Variants in FBXO27 observed in about 807,000 individuals in gnomAD.
FBXO27 encodes F-box protein 27, also known as F-box only protein 27.
A neutral mutation model predicts 28.3 loss-of-function variants in FBXO27; 28 were observed. The observed-to-expected ratio is 0.99, with a 90% confidence interval of 0.73 to 1.36. FBXO27 has a LOEUF of 1.36. FBXO27 is among the 40% of genes most tolerant of loss of function. The probability of loss-of-function intolerance (pLI) is 0.00; values close to 1 mark genes in which losing one functional copy is unlikely to be tolerated. For synonymous variants in FBXO27, 175 were observed against 167.3 expected (o/e 1.05, Z -0.36); for missense variants, 388 against 394.1 (o/e 0.98, Z 0.13).
intron 4 of FBXO27, 181 bp downstream of exon 4, chr19:39,030,848 T>A (rs183521307): frequency 1.0e-4 from 64 of 642,562 alleles, no homozygotes; most frequent in African/African-American, 9.0e-4. Flanking sequence ...CCTCAAGTGA[T>A]CTGCCTGCCT....
At chr19:39,009,985 T>G (rs1171659078) in intron 2 of FBXO27, among the ~76,000 whole-genome samples, 4 of 151,980 alleles carry the variant, frequency 2.6e-5, no homozygotes, top group African/African-American at 9.7e-5. Context: ...AATTTTTATA[T>G]TTTTAGTAGA....
intron 2 of FBXO27, among the ~76,000 whole-genome samples, chr19:39,007,489 G>T (rs1975744201): frequency 6.6e-6 from 1 of 152,098 alleles, no homozygotes; most frequent in African/African-American, 2.4e-5. Context: ...GCTTGGAAAG[G>T]CAAGACCGGG....
rs1187301249 is a variant in FBXO27 at position 39,024,065 on chromosome 19, T to C, written c.*1346A>G. 2.6e-5 allele frequency: 4 copies of C among 152,158 alleles called. No homozygotes were observed. The highest frequency in any genetic ancestry group is 5.9e-5 in the Non-Finnish European group (4 of 68,034). The allele number at this position is 152,158 out of a possible 1,614,324, so 9.4% of individuals were successfully genotyped here. On this transcript the variant is annotated 3_prime_UTR_variant, in exon 6 of 6. Coordinates refer to ENST00000292853, the MANE Select transcript of FBXO27 (RefSeq NM_178820.5). ...TTATTACATATGATTGGCAGATACATGCTGCTGATATATTATTCTTACTGT... is the reference window on the plus strand; with the variant it reads ...TTATTACATATGATTGGCAGATACACGCTGCTGATATATTATTCTTACTGT...
At chr19:39,010,662 T>G (rs1307020092) in intron 2 of FBXO27, among the ~76,000 whole-genome samples, 1 of 152,228 alleles carries the variant, frequency 6.6e-6, no homozygotes, top group Non-Finnish European at 1.5e-5. Context: ...TGGCATTGAC[T>G]CGATGACCCA....
chr19:39,020,915 C>A (rs1310785496), downstream of FBXO27, among the ~76,000 whole-genome samples: 1 of 151,710 alleles, frequency 6.6e-6, no homozygotes, highest in Non-Finnish European at 1.5e-5. Context: ...AGTGCGGTAG[C>A]AAAATCTCAG....
At chr19:39,016,772 G>A (rs2072822316) in intron 1 of FBXO27, among the ~76,000 whole-genome samples, 1 of 150,614 alleles carries the variant, frequency 6.6e-6, no homozygotes, top group Non-Finnish European at 1.5e-5. Flanking sequence ...GCAACAGAGT[G>A]AGAACGTCTC....
At chr19:39,015,613 C>T (rs924684324) in intron 1 of FBXO27, among the ~76,000 whole-genome samples, 4 of 152,084 alleles carry the variant, frequency 2.6e-5, no homozygotes, top group Non-Finnish European at 5.9e-5. Flanking sequence ...GCCTCGGCAA[C>T]AGAGTGAGAC....
chr19:39,007,468 T>C (rs1486158282), intron 2 of FBXO27, among the ~76,000 whole-genome samples: 1 of 152,042 alleles, frequency 6.6e-6, no homozygotes, highest in African/African-American at 2.4e-5. Flanking sequence ...TGAATTCAAA[T>C]CAGTCCAGCA....
At chr19:39,026,390 C>T (rs1600227529) in intron 5 of FBXO27, among the ~76,000 whole-genome samples, 3 of 152,168 alleles carry the variant, frequency 2.0e-5, no homozygotes, top group Non-Finnish European at 4.4e-5. Flanking sequence ...ACTGTCTGAA[C>T]GCTGAAAGAC....
chr19:39,018,459 G>A (rs965722577), intron 1 of FBXO27, among the ~76,000 whole-genome samples: 2 of 152,038 alleles, frequency 1.3e-5, no homozygotes, highest in African/African-American at 4.8e-5. Flanking sequence ...GATATCTTCC[G>A]GTTCTCGTTC....
At chr19:39,006,597 C>T (rs1182889538) in intron 2 of FBXO27, among the ~76,000 whole-genome samples, 2 of 151,566 alleles carry the variant, frequency 1.3e-5, no homozygotes, top group Admixed American at 1.3e-4. Context: ...AAGCACATCC[C>T]GCTAACCACA....
In FBXO27 at chr19:39,032,243, C is replaced by T; in HGVS notation, c.-16G>A. The T allele has an allele frequency of 7.0e-7, 1 of 1,427,952 alleles. No homozygotes were observed. The highest frequency in any genetic ancestry group is 9.1e-7 in the Non-Finnish European group (1 of 1,099,320). The allele number at this position is 1,427,952 out of a possible 1,614,324, so 88.5% of individuals were successfully genotyped here. On this transcript the variant is annotated 5_prime_UTR_variant, in exon 2 of 6. Transcript: ENST00000292853. This position sits in a 1 kb window ranked among gnomAD's most constrained non-coding sequence, Gnocchi z 4.7. The stretch of plus-strand genomic sequence containing the variant: ...AGGCGCCCATGGTCCCCCCGCCAGG[C>T]CCGGCTGTGGCTGCGGGAGAGGAAG...
rs568334436 is a variant in FBXO27, at chr19:39,031,298, C to T, written c.387G>A (p.Val129=). 2 of 1,614,032 alleles carry T rather than the reference C, an allele frequency of 1.2e-6. No individual in the cohort carries two copies. The highest frequency in any genetic ancestry group is 4.5e-5 in the East Asian group (2 of 44,870). ...CGQEGLRKWM[V]QHGGDGWVVE... ...CCACCCAGCCGTCCCCACCGTGTTG[C>T]ACCATCCACTTTCGGAGGCCTTCTG... Residue 129 remains valine, a synonymous_variant, in exon 3 of 6, where the codon GTG becomes GTA. Transcript: ENST00000292853.
chr19:39,007,178 G>C (rs1167309851), intron 2 of FBXO27, among the ~76,000 whole-genome samples: 1 of 151,974 alleles, frequency 6.6e-6, no homozygotes, highest in African/African-American at 2.4e-5. Context: ...ATTCATAAGA[G>C]GTTCAGGGGC....
intron 1 of FBXO27, among the ~76,000 whole-genome samples, chr19:39,015,850 C>T (rs962416811): frequency 2.0e-4 from 31 of 151,908 alleles, no homozygotes; most frequent in Admixed American, 1.7e-3. Flanking sequence ...GCGGGTAGAT[C>T]GTTTGAGGTG....
chr19:39,031,790 G>A, intron 2 of FBXO27, 74 bp downstream of exon 2: 4 of 1,388,664 alleles, frequency 2.9e-6, no homozygotes, highest in Non-Finnish European at 3.7e-6. Flanking sequence ...GTCCCAGTGC[G>A]GCCCCGCCCC....
chr19:39,027,096 C>A, intron 4 of FBXO27, 91 bp from the exon 5 acceptor site: 4 of 1,511,530 alleles, frequency 2.6e-6, no homozygotes, highest in Non-Finnish European at 3.6e-6. Flanking sequence ...CCCATGTGTG[C>A]AAATCCAGTT....
intron 1 of FBXO27, among the ~76,000 whole-genome samples, chr19:39,017,662 C>A (rs78703065): frequency 4.0e-4 from 57 of 141,276 alleles, no homozygotes; most frequent in Non-Finnish European, 3.5e-4. Context: ...GAGACTGTCT[C>A]AAAAAAAAAA....
At chr19:39,030,637 A>T (rs1289251549) in intron 4 of FBXO27, 2 of 164,852 alleles carry the variant, frequency 1.2e-5, no homozygotes, top group Non-Finnish European at 2.5e-5. Context: ...TTTTTTTTCC[A>T]GGACTGAGTC....
Sources: allele counts gnomAD v4.1 joint callset (sites outside exome capture counted in the v4.1 genomes callset), GRCh38; gene constraint gnomAD v4.1.1; non-coding constraint Gnocchi (gnomAD v3.1); transcripts MANE v1.5; gene names NCBI Gene and HGNC (gene_info 2026-07-23, HGNC 2026-07-21).